The following ALOX12B variants were observed in gnomAD, a reference collection of about 807,000 sequenced individuals.
ALOX12B encodes arachidonate 12-lipoxygenase, 12R type, also known as arachidonate 12-lipoxygenase, 12R-type.
Under a neutral mutation model 78.9 loss-of-function variants are expected in ALOX12B, and 47 were observed. The observed-to-expected ratio is 0.60, with a 90% CI of 0.47 to 0.76. The LOEUF (loss-of-function observed/expected upper bound fraction) is 0.76. Among genes scored for constraint, ALOX12B ranks in the 30% least tolerant of loss-of-function variants. The probability of loss-of-function intolerance (pLI) is 0.00; values close to 1 mark genes in which losing one functional copy is unlikely to be tolerated. For missense variants in ALOX12B, 805 were observed against 922.6 expected, an observed-to-expected ratio of 0.87 and a Z score of 1.65; for synonymous variants, 370 against 374.5, an observed-to-expected ratio of 0.99 and a Z score of 0.14.
rs778284308 is a variant in ALOX12B, at chr17:8,073,652, G to C, written c.1755+5C>G. 8.7e-6 allele frequency: 14 copies of C among 1,613,500 alleles called. No individual in the cohort carries two copies. Among genetic ancestry groups the C allele is most frequent in the Middle Eastern group, 1.6e-4 (1 of 6,062 alleles). On this transcript the variant is annotated splice_donor_5th_base_variant and intron_variant, in intron 13 of 14. Coordinates refer to ENST00000647874, the MANE Select transcript of ALOX12B (RefSeq NM_001139.3). ...CTGGGCCTGGGTTGGTGAGACCACC[G>C]GTACCTGGCCTGTGTTGACAGCAGC...
chr17:8,087,066 G>A (rs1380771699), intron 1 of ALOX12B, among the ~76,000 whole-genome samples: 1 of 152,170 alleles, frequency 6.6e-6, no homozygotes, highest in Non-Finnish European at 1.5e-5. Flanking sequence ...GCGAGGGGCT[G>A]GAAGCCAGCT....
chr17:8,085,976 C>T (rs1263034558), intron 2 of ALOX12B, 40 bp downstream of exon 2: 1 of 1,608,204 alleles, frequency 6.2e-7, no homozygotes, highest in Admixed American at 1.7e-5. Flanking sequence ...GAGCTAGAGG[C>T]CTCACGGCCA....
chr17:8,077,044 C>T lies in ALOX12B; in HGVS notation c.1221G>A (p.Glu407=). 1.2e-6 allele frequency: 2 copies of T among 1,614,020 alleles called. No individual in the cohort carries two copies. The highest frequency in any genetic ancestry group is 1.7e-6 in the Non-Finnish European group (2 of 1,180,004). Residue 407 remains glutamate (E), a synonymous_variant, in exon 9 of 15, where the codon GAG becomes GAA. Coordinates refer to ENST00000647874, the MANE Select transcript of ALOX12B (RefSeq NM_001139.3). ...AHLLETHLIA[E]AFCLALLRNL... Reference sequence around the variant, plus strand: ...TCCTCAGCAAGGCCAGGCAGAAGGCCTCAGCAATGAGGTGTGTCTCCAGCA... The same window carrying T: ...TCCTCAGCAAGGCCAGGCAGAAGGCTTCAGCAATGAGGTGTGTCTCCAGCA...
chr17:8,075,774 G>C, intron 11 of ALOX12B, 58 bp from the exon 12 acceptor site: 1 of 1,613,766 alleles, frequency 6.2e-7, no homozygotes, highest in African/African-American at 1.3e-5. Context: ...CCTCAGCCAG[G>C]CTTCTCCCAC....
rs1977088748 is a variant in ALOX12B, at chr17:8,076,659, T to C, written c.1360A>G (p.Lys454Glu). The C allele has an allele frequency of 6.4e-7, 1 of 1,551,332 alleles. No individual in the cohort carries two copies. The highest frequency in any genetic ancestry group is 1.7e-4 in the Middle Eastern group (1 of 5,792). ...GGGGTTGGGGGCAGAAGTCTTACCT[T>C]GGCAGAGAGCCCCCCCTCATTGAGG... ...VLLNEGGLSA[K>E]GMSLGVEGFA... The change falls in exon 10 of 15, where the codon AAG becomes GAG. Residue 454 changes from lysine to glutamate, a missense_variant and splice_region_variant. By Grantham distance (56) the Lys-to-Glu change is moderately conservative (BLOSUM62 1). Transcript: ENST00000647874.
chr17:8,073,518 T>C (rs527598469), intron 13 of ALOX12B, 139 bp downstream of exon 13: 199 of 1,061,468 alleles, frequency 1.9e-4, no homozygotes, highest in Non-Finnish European at 2.8e-4. Flanking sequence ...TCGGTTTCCG[T>C]TGGGACTGGA....
At chr17:8,076,385 C>T in intron 10 of ALOX12B, 41 bp from the exon 11 acceptor site, 2 of 1,557,312 alleles carry the variant, frequency 1.3e-6, no homozygotes, top group Non-Finnish European at 1.7e-6. Context: ...GACAGGCATC[C>T]CTGGAACCCC....
Position 8,079,718 on chromosome 17 carries a change from C to A in ALOX12B, c.927+51G>T, listed in dbSNP as rs1283082683. On this transcript the variant is annotated intron_variant, in intron 7 of 14. Transcript: ENST00000647874. The surrounding 1 kb of genome is among the most constrained non-coding windows in gnomAD (Gnocchi z 6.4). ...GGAGGTGGGGAGAGACGGGGATGCC[C>A]GCGAGGGAGGCCGGGAGGAGGGCCG... The A allele has an allele frequency of 1.3e-6, 2 of 1,581,040 alleles. No individual in the cohort carries two copies. Among genetic ancestry groups the A allele is most frequent in the East Asian group, 2.3e-5 (1 of 42,756 alleles).
Position 8,079,728 on chromosome 17 carries a change from G to T in ALOX12B, c.927+41C>A. 10 of 1,592,754 alleles carry T rather than the reference G, an allele frequency of 6.3e-6. No homozygotes were observed. The highest frequency in any genetic ancestry group is 8.5e-6 in the Non-Finnish European group (10 of 1,171,206). ...AGAGACGGGGATGCCCGCGAGGGAGGCCGGGAGGAGGGCCGGGGTCTCCGC... is the reference window on the plus strand; with the variant it reads ...AGAGACGGGGATGCCCGCGAGGGAGTCCGGGAGGAGGGCCGGGGTCTCCGC... On this transcript the variant is annotated intron_variant, in intron 7 of 14. Coordinates refer to ENST00000647874, the MANE Select transcript of ALOX12B (RefSeq NM_001139.3). This position sits in a 1 kb window ranked among gnomAD's most constrained non-coding sequence, Gnocchi z 6.4.
chr17:8,085,991 A>T, intron 2 of ALOX12B, 25 bp downstream of exon 2: 5 of 1,612,538 alleles, frequency 3.1e-6, no homozygotes, highest in Non-Finnish European at 4.2e-6. Context: ...CGGCCATAGG[A>T]TGGAGCAGGG....
chr17:8,073,627 C>A lies in ALOX12B; in HGVS notation c.1755+30G>T. ...AAATTTAGAAGGTCTGAGCCTCGGG[C>A]TGGGCCTGGGTTGGTGAGACCACCG... On this transcript the variant is annotated intron_variant, in intron 13 of 14. Transcript: ENST00000647874. The A allele has an allele frequency of 3.8e-6, 6 of 1,597,228 alleles. No individual in the cohort carries two copies. The East Asian group carries it at 1.3e-4, about 36-fold the overall frequency.
rs1977062849 is a variant in ALOX12B, at chr17:8,075,636, T to G, written c.1613A>C (p.Gln538Pro). The G allele has an allele frequency of 1.2e-6, 2 of 1,614,204 alleles. No individual in the cohort carries two copies. The highest frequency in any genetic ancestry group is 1.1e-5 in the South Asian group (1 of 91,082). ...EGDPELQSWV[Q>P]EIFKECLLGR... The stretch of plus-strand genomic sequence containing the variant: ...CAGGAGGCACTCTTTAAATATTTCC[T>G]GCACCCAAGACTGCAATTCCGGATC... Residue 538 changes from glutamine to proline, a missense_variant, in exon 12 of 15, where the codon CAG becomes CCG. Transcript: ENST00000647874.
At chr17:8,082,476 C>A (rs541787857) in intron 2 of ALOX12B, among the ~76,000 whole-genome samples, 8 of 152,330 alleles carry the variant, frequency 5.3e-5, no homozygotes, top group African/African-American at 1.9e-4. Context: ...AAAGACACTC[C>A]TTTGAAACCT....
At chr17:8,076,371 G>A (rs1372925543) in intron 10 of ALOX12B, 27 bp from the exon 11 acceptor site, 1 of 1,570,658 alleles carries the variant, frequency 6.4e-7, no homozygotes, top group Admixed American at 1.9e-5. Flanking sequence ...AGATCCTGGA[G>A]CCGGACAGGC....
At position 8,079,197 on chromosome 17, in the gene ALOX12B, A is replaced by G. The variant is rs1459030092; in HGVS notation, c.1071+199T>C. 1.3e-5 allele frequency among the ~76,000 whole-genome samples: 2 copies of G among 152,104 alleles called. No homozygotes were observed. Among genetic ancestry groups the G allele is most frequent in the South Asian group, 2.1e-4 (1 of 4,818 alleles). On this transcript the variant is annotated intron_variant, in intron 8 of 14. Transcript: ENST00000647874. The surrounding 1 kb of genome is among the most constrained non-coding windows in gnomAD (Gnocchi z 6.4). ...CAGGCGTGAGCCACCGCGTCCGGCA[A>G]TACTGGGACATTTTATATAAGAAAC...
chr17:8,079,828 T>C lies in ALOX12B; in HGVS notation c.868A>G (p.Thr290Ala). The C allele has an allele frequency of 6.2e-7, 1 of 1,613,574 alleles. No homozygotes were observed. The highest frequency in any genetic ancestry group is 8.5e-7 in the Non-Finnish European group (1 of 1,179,960). ...CTRIPDKFPV[T>A]DDMVAPFLGE... The stretch of plus-strand genomic sequence containing the variant: ...AGGAACGGAGCCACCATGTCGTCTG[T>C]GACGGGGAACTTGTCTGGGATCCGC... The change falls in exon 7 of 15, where the codon ACA becomes GCA. Residue 290 changes from threonine to alanine, a missense_variant. By Grantham distance (58) the Thr-to-Ala change is moderately conservative. Transcript: ENST00000647874. The surrounding 1 kb of genome is among the most constrained non-coding windows in gnomAD (Gnocchi z 6.4).
At chr17:8,085,980 A>C in intron 2 of ALOX12B, 36 bp downstream of exon 2, 1 of 1,609,844 alleles carries the variant, frequency 6.2e-7, no homozygotes, top group Non-Finnish European at 8.5e-7. Flanking sequence ...TAGAGGCCTC[A>C]CGGCCATAGG....
intron 12 of ALOX12B, among the ~76,000 whole-genome samples, chr17:8,075,319 G>A (rs1303081134): frequency 1.3e-5 from 2 of 152,144 alleles, no homozygotes; most frequent in South Asian, 4.1e-4. Context: ...CTGGGGTGGG[G>A]CTGGGACCCC....
chr17:8,078,397 C>G (rs1977133298), intron 8 of ALOX12B, among the ~76,000 whole-genome samples: 1 of 38,542 alleles, frequency 2.6e-5, no homozygotes. Context: ...AATCTGCCCA[C>G]CTCGGCCTCC....
Sources: gnomAD v4.1 joint callset for allele counts (sites outside exome capture counted in the v4.1 genomes callset) on GRCh38, gnomAD v4.1.1 for gene constraint, Gnocchi (gnomAD v3.1) non-coding constraint, MANE v1.5 for transcripts, NCBI Gene and HGNC (gene_info 2026-07-23, HGNC 2026-07-21) for gene names.